Variants in FBN2 observed in about 807,000 individuals in gnomAD.
FBN2 encodes fibrillin-2.
FBN2 carries 105 observed loss-of-function variants against 355.6 expected under a neutral mutation model. The ratio of observed to expected loss-of-function variants is 0.30; its 90% confidence interval spans 0.25 to 0.35. The LOEUF (loss-of-function observed/expected upper bound fraction) is 0.35. Ranked by LOEUF, FBN2 falls within the 10% of genes least tolerant of loss-of-function variation. The pLI is 1.00. For synonymous variants in FBN2, 1,350 were observed against 1,301.2 expected (o/e 1.04, Z -0.81); for missense variants, 3,280 against 3,758.7 (o/e 0.87, Z 3.33).
chr5:128,436,665 TTA>T (rs1753774675), intron 7 of FBN2, among the ~76,000 whole-genome samples: 7 of 138,604 alleles, frequency 5.1e-5, no homozygotes, highest in Non-Finnish European at 6.2e-5. Context: ...GTGGCTCCAC[TTA>T]AAAAAAAAAA....
chr5:128,316,305 T>C (rs892593247), intron 36 of FBN2, among the ~76,000 whole-genome samples: 13 of 152,300 alleles, frequency 8.5e-5, no homozygotes, highest in Middle Eastern at 3.4e-3. Context: ...ATGTTGAACA[T>C]TGACAAAAAT....
chr5:128,400,042 A>T (rs1752756578), intron 8 of FBN2, among the ~76,000 whole-genome samples: 1 of 152,052 alleles, frequency 6.6e-6, no homozygotes, highest in Non-Finnish European at 1.5e-5. Context: ...CTGTAAAAAT[A>T]AAACAAAAAA....
At chr5:128,446,351 T>TTC in intron 7 of FBN2, 130 bp downstream of exon 7, 1 of 1,001,586 alleles carries the variant, frequency 1.0e-6, no homozygotes, top group Non-Finnish European at 1.5e-6. Context: ...ACTCTAGGCT[T>TTC]AAACCTATGC....
chr5:128,341,876 T>C (rs1751031133), intron 25 of FBN2, among the ~76,000 whole-genome samples: 1 of 152,224 alleles, frequency 6.6e-6, no homozygotes, highest in African/African-American at 2.4e-5. Context: ...ATAGCCAGTT[T>C]AATGAAAGAA....
At chr5:128,335,398 T>C (rs375214690) in intron 29 of FBN2, 57 bp downstream of exon 29, 22 of 1,612,476 alleles carry the variant, frequency 1.4e-5, no homozygotes, top group East Asian at 1.3e-4. Flanking sequence ...TCTGGAGCCA[T>C]ATTTTCAAGA....
chr5:128,391,052 A>G (rs571560432), intron 11 of FBN2, among the ~76,000 whole-genome samples: 3 of 152,342 alleles, frequency 2.0e-5, no homozygotes, highest in African/African-American at 4.8e-5. Flanking sequence ...TGACCAATGC[A>G]TGTTACAAAA....
chr5:128,460,537 C>G (rs867048464), intron 6 of FBN2, among the ~76,000 whole-genome samples: 6 of 151,992 alleles, frequency 3.9e-5, no homozygotes, highest in African/African-American at 1.4e-4. Flanking sequence ...CAAAGAAGGC[C>G]CTGTATAACC....
chr5:128,309,005 C>G (rs746234338), intron 41 of FBN2, among the ~76,000 whole-genome samples: 50 of 152,334 alleles, frequency 3.3e-4, no homozygotes, highest in Non-Finnish European at 6.5e-4. Flanking sequence ...ATGCTATCAA[C>G]TCTAACTCTT....
At chr5:128,402,793 C>T (rs1018550289) in intron 8 of FBN2, among the ~76,000 whole-genome samples, 1 of 152,216 alleles carries the variant, frequency 6.6e-6, no homozygotes. Context: ...CTTTGATGGT[C>T]TGGTTCCAGC....
chr5:128,477,779 C>G (rs1369778932), intron 5 of FBN2, among the ~76,000 whole-genome samples: 1 of 152,206 alleles, frequency 6.6e-6, no homozygotes, highest in African/African-American at 2.4e-5. Context: ...ACTCTGCCAT[C>G]TCTCAGTGGC....
intron 4 of FBN2, among the ~76,000 whole-genome samples, chr5:128,523,589 C>A (rs992114572): frequency 2.0e-5 from 3 of 152,064 alleles, no homozygotes; most frequent in African/African-American, 4.8e-5. Context: ...GTTCATAGAT[C>A]TTTGCACTTA....
intron 8 of FBN2, among the ~76,000 whole-genome samples, chr5:128,398,143 T>C (rs1269413348): frequency 6.6e-6 from 1 of 152,050 alleles, no homozygotes; most frequent in East Asian, 1.9e-4. Flanking sequence ...GTAAAGAGGT[T>C]CTCAGGTTAG....
At chr5:128,509,690 A>T in intron 5 of FBN2, among the ~76,000 whole-genome samples, 1 of 151,942 alleles carries the variant, frequency 6.6e-6, no homozygotes, top group East Asian at 1.9e-4. Context: ...ATATTTTTGT[A>T]TTCTTATAAA....
Position 128,350,946 on chromosome 5 carries a change from T to C in FBN2, c.2734A>G (p.Asn912Asp). The C allele has an allele frequency of 6.2e-7, 1 of 1,614,106 alleles. No individual in the cohort carries two copies. The highest frequency in any genetic ancestry group is 1.1e-5 in the South Asian group (1 of 91,074). ...IQDSRCEVNI[N>D]GATLKSECCA... is the part of the protein sequence containing the mutation. ...CATTCAGATTTCAGAGTGGCTCCAT[T>C]AATATTCACCTCACAGCGGCTGTCC... is the stretch of plus-strand genomic sequence containing the variant. The change falls in exon 21 of 65, where the codon AAT (asparagine) becomes GAT (aspartate). Residue 912 changes from asparagine (N) to aspartate (D), a missense_variant. Transcript: ENST00000262464.
chr5:128,523,270 T>C (rs1344916295), intron 4 of FBN2, among the ~76,000 whole-genome samples: 1 of 152,158 alleles, frequency 6.6e-6, no homozygotes, highest in African/African-American at 2.4e-5. Flanking sequence ...CTGTCTGACA[T>C]AGGAAGGTAT....
At chr5:128,311,268 A>T (rs371716361) in intron 39 of FBN2, 32 bp downstream of exon 39, 3 of 1,613,410 alleles carry the variant, frequency 1.9e-6, no homozygotes, top group African/African-American at 1.3e-5. Flanking sequence ...TTTAAACAGC[A>T]CTGAGCATTT....
intron 53 of FBN2, among the ~76,000 whole-genome samples, chr5:128,288,154 A>G (rs988660464): frequency 1.3e-5 from 2 of 152,168 alleles, no homozygotes; most frequent in African/African-American, 4.8e-5. Flanking sequence ...TATACTGAAA[A>G]GGCAGGAAAC....
At chr5:128,519,396 T>C (rs1756370118) in intron 4 of FBN2, 28 bp from the exon 5 acceptor site, 9 of 1,560,062 alleles carry the variant, frequency 5.8e-6, no homozygotes, top group Non-Finnish European at 8.0e-6. Flanking sequence ...AAGAAGCTCA[T>C]TATATAGCCA....
intron 5 of FBN2, among the ~76,000 whole-genome samples, chr5:128,509,973 T>G (rs1475615621): frequency 6.6e-6 from 1 of 152,204 alleles, no homozygotes; most frequent in Non-Finnish European, 1.5e-5. Context: ...GAAAGATTCC[T>G]CACATGAATG....
Sources: gnomAD v4.1 joint callset for allele counts (sites outside exome capture counted in the v4.1 genomes callset) on GRCh38, gnomAD v4.1.1 for gene constraint, MANE v1.5 for transcripts, NCBI Gene and HGNC (gene_info 2026-07-23, HGNC 2026-07-21) for gene names.